FAM120B: variants seen among roughly 807,000 people sequenced by gnomAD.
FAM120B encodes constitutive coactivator of peroxisome proliferator-activated receptor gamma.
A neutral mutation model predicts 96.3 loss-of-function variants in FAM120B; 83 were observed. That is an observed-to-expected ratio of 0.86 (90% confidence interval 0.72 to 1.03). FAM120B has a LOEUF of 1.03. Ranked by LOEUF, FAM120B falls within the 50% of genes least tolerant of loss-of-function variation. FAM120B has a pLI of 0.00. For synonymous variants in FAM120B, 407 were observed against 402.7 expected (o/e 1.01, Z -0.13); for missense variants, 1,027 against 1,121.2 (o/e 0.92, Z 1.20).
chr6:170,358,060 C>G (rs1270134036), intron 5 of FAM120B, among the ~76,000 whole-genome samples, 166 bp from the exon 6 acceptor site: 1 of 151,966 alleles, frequency 6.6e-6, no homozygotes, highest in Non-Finnish European at 1.5e-5. Flanking sequence ...GTGTGCACCT[C>G]TGTGTGCTTG....
At chr6:170,384,701 G>A (rs948725639) in intron 6 of FAM120B, among the ~76,000 whole-genome samples, 1 of 152,248 alleles carries the variant, frequency 6.6e-6, no homozygotes, top group South Asian at 2.1e-4. Flanking sequence ...GGACGTGTGA[G>A]CACAGGGGTC....
intron 5 of FAM120B, among the ~76,000 whole-genome samples, chr6:170,351,460 G>A (rs1787574749): frequency 1.3e-5 from 2 of 152,128 alleles, no homozygotes; most frequent in South Asian, 4.1e-4. Flanking sequence ...CAGTAAGATA[G>A]TGTATGAGAA....
intron 6 of FAM120B, among the ~76,000 whole-genome samples, chr6:170,383,961 G>A (rs1482430549): frequency 7.9e-5 from 12 of 152,166 alleles, no homozygotes; most frequent in South Asian, 2.1e-4. Flanking sequence ...AGTGGCTGGC[G>A]CTTGGTGAGT....
intron 6 of FAM120B, among the ~76,000 whole-genome samples, chr6:170,365,175 C>T (rs942878322): frequency 2.0e-5 from 3 of 152,322 alleles, no homozygotes; most frequent in Non-Finnish European, 1.5e-5. Flanking sequence ...GAATTGAATA[C>T]GTATTTGTGT....
rs1583162559 is a variant in FAM120B, at chr6:170,295,977, C to A, written c.48+524C>A. Reference sequence around the variant, plus strand: ...AGATGACGGCTCGGCAGCGGGCCCCCGCCCCCTCCTCTGCGCCGCGGCTCC... The same window carrying A: ...AGATGACGGCTCGGCAGCGGGCCCCAGCCCCCTCCTCTGCGCCGCGGCTCC... On this transcript the variant is annotated intron_variant, in intron 1 of 10. Coordinates refer to the FAM120B transcript ENST00000537664. The surrounding 1 kb of genome is among the most constrained non-coding windows in gnomAD (Gnocchi z 7.8). 6.6e-6 allele frequency among the ~76,000 whole-genome samples: 1 copy of A among 151,998 alleles called. No homozygotes were observed.
At chr6:170,395,917 T>C (rs1487464480) in intron 9 of FAM120B, among the ~76,000 whole-genome samples, 1 of 152,228 alleles carries the variant, frequency 6.6e-6, no homozygotes, top group Non-Finnish European at 1.5e-5. Context: ...GGACAGGTTA[T>C]AGTGTTTCAC....
chr6:170,360,804 G>A (rs970406370), intron 6 of FAM120B, among the ~76,000 whole-genome samples: 5 of 152,024 alleles, frequency 3.3e-5, no homozygotes, highest in African/African-American at 9.7e-5. Flanking sequence ...AGTGAGTTTC[G>A]TTCATCTCCC....
At position 170,386,016 on chromosome 6, in the gene FAM120B, T is replaced by C. The variant is rs1562591112; in HGVS notation, c.2284-2271T>C. On this transcript the variant is annotated intron_variant, in intron 6 of 10. Coordinates refer to ENST00000476287, the MANE Select transcript of FAM120B (RefSeq NM_032448.3). ...CAGGCGGGAGGGCTTTAGGGCAGTG[T>C]GCCTGCTCCAGATGATGCTCTCATG... 2.6e-5 allele frequency among the ~76,000 whole-genome samples: 4 copies of C among 152,278 alleles called. No homozygotes were observed. In the South Asian group the frequency reaches 6.2e-4, roughly 24 times the overall value.
chr6:170,296,377 T>A (rs1784009267), intron 1 of FAM120B, among the ~76,000 whole-genome samples: 1 of 151,976 alleles, frequency 6.6e-6, no homozygotes. Flanking sequence ...GGGGCACCAG[T>A]GCAAGGCCCA....
intron 4 of FAM120B, among the ~76,000 whole-genome samples, chr6:170,340,416 T>C (rs1786743118): frequency 2.0e-5 from 3 of 152,210 alleles, no homozygotes; most frequent in Admixed American, 1.3e-4. Flanking sequence ...GTTCTTAGCT[T>C]CCTTGCATTG....
At chr6:170,377,655 G>A (rs867310931) in intron 6 of FAM120B, among the ~76,000 whole-genome samples, 2 of 47,140 alleles carry the variant, frequency 4.2e-5, no homozygotes, top group Non-Finnish European at 4.2e-5. Flanking sequence ...GTGCACACGC[G>A]TCCCTAAACC....
At chr6:170,368,651 CAAT>C (rs1562574208) in intron 6 of FAM120B, among the ~76,000 whole-genome samples, 1 of 152,174 alleles carries the variant, frequency 6.6e-6, no homozygotes, top group African/African-American at 2.4e-5. Context: ...ATTGGGCACT[CAAT>C]AAAAATTTGG....
chr6:170,318,258 C>T lies in FAM120B; in HGVS notation c.868C>T (p.Leu290=). ...GAAAAAATTAGAAGAGATATTACCTCTGGGACCAAACAAAGCTCTTTTTTA... is the reference window on the plus strand; with the variant it reads ...GAAAAAATTAGAAGAGATATTACCTTTGGGACCAAACAAAGCTCTTTTTTA... ...GEKKLEEILP[L]GPNKALFYKG... The change falls in exon 2 of 11, where the codon CTG becomes TTG. Residue 290 remains leucine, a synonymous_variant. Transcript: ENST00000476287. 1.2e-6 allele frequency: 2 copies of T among 1,614,130 alleles called. 1 individual carries two copies. The highest frequency in any genetic ancestry group is 2.2e-5 in the South Asian group (2 of 91,080).
upstream of FAM120B, among the ~76,000 whole-genome samples, chr6:170,302,890 T>G (rs1474105887): frequency 1.3e-5 from 2 of 152,208 alleles, no homozygotes; most frequent in Non-Finnish European, 2.9e-5. Context: ...CATGCAACTT[T>G]TCTTGTAGTC....
At chr6:170,336,185 TA>T (rs1481815306) in intron 4 of FAM120B, among the ~76,000 whole-genome samples, 1 of 152,196 alleles carries the variant, frequency 6.6e-6, no homozygotes, top group Non-Finnish European at 1.5e-5. Context: ...TTTTAGGTTT[TA>T]CGTTTAAGTA....
chr6:170,324,240 G>A (rs1785461627), intron 3 of FAM120B, among the ~76,000 whole-genome samples: 1 of 152,174 alleles, frequency 6.6e-6, no homozygotes, highest in Non-Finnish European at 1.5e-5. Flanking sequence ...TGGGGCTCAG[G>A]GGTAGTGGGG....
intron 6 of FAM120B, among the ~76,000 whole-genome samples, chr6:170,378,293 C>T (rs984564937): frequency 1.3e-5 from 2 of 152,018 alleles, no homozygotes; most frequent in African/African-American, 4.8e-5. Flanking sequence ...ATTCTTTAAC[C>T]CCGAGCAGTT....
In FAM120B at chr6:170,317,618, A is replaced by C. The variant is rs1784979342; in HGVS notation, c.228A>C (p.Lys76Asn). The stretch of plus-strand genomic sequence containing the variant: ...TTTCTGCTTTGCGAGATTTTGTTAA[A>C]ACTTTTACGGCAGCTGGGATCAAGT... ...EYFSALRDFV[K>N]TFTAAGIKLI... The change falls in exon 2 of 11, where the codon AAA becomes AAC. Residue 76 changes from lysine (K) to asparagine (N), a missense_variant. Lys to Asn is a moderately conservative substitution (Grantham distance 94). Around this residue, in one of 3 missense-constraint regions of FAM120B, gnomAD observed 880 missense variants for 980.9 expected, o/e 0.90. Coordinates refer to ENST00000476287, the MANE Select transcript of FAM120B (RefSeq NM_032448.3). The C allele has an allele frequency of 1.2e-6, 2 of 1,614,170 alleles. No individual in the cohort carries two copies. Among genetic ancestry groups the C allele is most frequent in the Non-Finnish European group, 1.7e-6 (2 of 1,180,036 alleles).
At chr6:170,347,827 T>C (rs1449517017) in intron 4 of FAM120B, among the ~76,000 whole-genome samples, 1 of 152,244 alleles carries the variant, frequency 6.6e-6, no homozygotes, top group Non-Finnish European at 1.5e-5. Context: ...GCTGTGATAC[T>C]GCAGGGCGGC....
Sources: allele counts gnomAD v4.1 joint callset (sites outside exome capture counted in the v4.1 genomes callset), GRCh38; gene constraint gnomAD v4.1.1; regional missense constraint gnomAD v4.1.1; non-coding constraint Gnocchi (gnomAD v3.1); transcripts MANE v1.5; gene names NCBI Gene and HGNC (gene_info 2026-07-23, HGNC 2026-07-21).